The following N4BP2L1 variants were observed in gnomAD, a reference collection of about 807,000 sequenced individuals.
N4BP2L1 encodes NEDD4 binding protein 2 like 1.
N4BP2L1 carries 12 observed loss-of-function variants against 21.2 expected under a neutral mutation model. The observed-to-expected ratio is 0.57, with a 90% CI of 0.36 to 0.92. The LOEUF is 0.92. Among genes scored for constraint, N4BP2L1 ranks in the 40% least tolerant of loss-of-function variants. The pLI is 0.01. For missense variants in N4BP2L1, 259 were observed against 310.6 expected (o/e 0.83, Z 1.25); for synonymous variants, 104 against 112.8 (o/e 0.92, Z 0.49).
chr13:32,417,117 C>G (rs2074191732), intron 1 of N4BP2L1, among the ~76,000 whole-genome samples: 1 of 152,168 alleles, frequency 6.6e-6, no homozygotes, highest in Non-Finnish European at 1.5e-5. Flanking sequence ...GCCCAGCTGG[C>G]AAACTTTTTT....
chr13:32,427,161 CAAGTG>C (rs1350949981), intron 1 of N4BP2L1, among the ~76,000 whole-genome samples: 1 of 152,254 alleles, frequency 6.6e-6, no homozygotes, highest in East Asian at 1.9e-4. Flanking sequence ...ACGCAATTCG[CAAGTG>C]AACGAATTTG....
chr13:32,414,428 C>T (rs895441002), intron 1 of N4BP2L1, among the ~76,000 whole-genome samples: 1 of 152,154 alleles, frequency 6.6e-6, no homozygotes, highest in Admixed American at 6.5e-5. Flanking sequence ...GTGAACTGCA[C>T]TTTCACGTCC....
chr13:32,416,180 T>C (rs1211278670), intron 1 of N4BP2L1, among the ~76,000 whole-genome samples: 1 of 152,240 alleles, frequency 6.6e-6, no homozygotes, highest in East Asian at 1.9e-4. Context: ...AAATAATAAA[T>C]ATAGCCAATG....
intron 1 of N4BP2L1, among the ~76,000 whole-genome samples, chr13:32,418,327 A>G (rs2074263308): frequency 6.6e-6 from 1 of 152,250 alleles, no homozygotes; most frequent in Non-Finnish European, 1.5e-5. Context: ...AAGCCTTGGC[A>G]GCTGCCACAT....
intron 1 of N4BP2L1, among the ~76,000 whole-genome samples, chr13:32,420,735 C>T (rs1426571274): frequency 6.6e-6 from 1 of 151,902 alleles, no homozygotes; most frequent in East Asian, 1.9e-4. Flanking sequence ...CTCTTGTTGC[C>T]CAGGCTGGAG....
At chr13:32,415,708 T>C (rs975659872) in intron 1 of N4BP2L1, among the ~76,000 whole-genome samples, 6 of 152,302 alleles carry the variant, frequency 3.9e-5, no homozygotes, top group African/African-American at 1.4e-4. Context: ...TAGAGAGGAA[T>C]TTTTTAGAAA....
At chr13:32,408,379 C>T (rs1488362360) in intron 1 of N4BP2L1, among the ~76,000 whole-genome samples, 1 of 152,178 alleles carries the variant, frequency 6.6e-6, no homozygotes, top group African/African-American at 2.4e-5. Flanking sequence ...AAAAGCACAA[C>T]AGGAGAAGGA....
In N4BP2L1 at chr13:32,401,790, TTAAAA is replaced by T. The variant is rs750230406; in HGVS notation, c.*1147_*1151del. The T allele has an allele frequency of 1.5e-5, 5 of 343,844 alleles. No individual in the cohort carries two copies. Among genetic ancestry groups the T allele is most frequent in the Non-Finnish European group, 2.1e-5 (5 of 243,062 alleles). 21.3% of individuals were successfully genotyped at this position (343,844 alleles called of 1,614,324 possible). On this transcript the variant is annotated 3_prime_UTR_variant, in exon 5 of 5. Coordinates refer to ENST00000380130, the MANE Select transcript of N4BP2L1 (RefSeq NM_052818.3). The stretch of plus-strand genomic sequence containing the variant: ...ATAAAAGCACCATTATATAAGACAC[TTAAAA>T]TAATTTTTCACAGAACATTAGAAAG...
chr13:32,421,889 G>A (rs542476438), intron 1 of N4BP2L1, among the ~76,000 whole-genome samples: 22 of 152,164 alleles, frequency 1.4e-4, no homozygotes, highest in Non-Finnish European at 2.9e-4. Context: ...TCCAGAGACT[G>A]AGTGGCCATA....
At chr13:32,407,410 G>A (rs539565064) in intron 2 of N4BP2L1, 72 bp from the exon 3 acceptor site, 36 of 1,610,232 alleles carry the variant, frequency 2.2e-5, no homozygotes, top group East Asian at 1.3e-4. Flanking sequence ...ATCTCTATTC[G>A]TCATTTTTAT....
chr13:32,404,536 C>A, intron 3 of N4BP2L1, 139 bp from the exon 4 acceptor site: 1 of 635,030 alleles, frequency 1.6e-6, no homozygotes, highest in Non-Finnish European at 2.7e-6. Flanking sequence ...TAATTTATCA[C>A]AATAAATGCA....
chr13:32,403,067 C>A lies in N4BP2L1; in HGVS notation c.607G>T (p.Ala203Ser), dbSNP rs771574869. 3.7e-6 allele frequency: 6 copies of A among 1,613,982 alleles called. No homozygotes were observed. The highest frequency in any genetic ancestry group is 4.2e-6 in the Non-Finnish European group (5 of 1,180,028). ...RMNRNQDRNN[A>S]LPSNNARYWN... ...TATCTGGCATTGTTGGAAGGCAATG[C>A]ATTATTCCTGTCCTGGTTTCTGTTC... The change falls in exon 5 of 5, where the codon GCA (alanine) becomes TCA (serine). Residue 203 changes from alanine (A) to serine (S), a missense_variant. Physicochemically the swap from Ala to Ser is moderately conservative, Grantham distance 99 (BLOSUM62 1). Around this residue, in one of 3 missense-constraint regions of N4BP2L1, gnomAD observed 108 missense variants for 107.8 expected, o/e 1.00. Transcript: ENST00000380130.
intron 1 of N4BP2L1, among the ~76,000 whole-genome samples, chr13:32,417,256 T>C (rs755883464): frequency 2.6e-5 from 4 of 152,214 alleles, no homozygotes; most frequent in African/African-American, 9.7e-5. Context: ...TCATCTTTAA[T>C]TGTAGTTCCC....
chr13:32,424,962 AG>A (rs200075436), intron 1 of N4BP2L1: 3 of 152,202 alleles, frequency 2.0e-5, no homozygotes, highest in African/African-American at 7.2e-5. Flanking sequence ...TAATCAAATG[AG>A]AAAAAAGGTT....
chr13:32,425,760 T>C (rs1375207080), intron 1 of N4BP2L1: 2 of 152,016 alleles, frequency 1.3e-5, no homozygotes, highest in Non-Finnish European at 2.9e-5. Flanking sequence ...CTATTTTTAA[T>C]CTGACCACTG....
At chr13:32,424,296 C>A (rs543647561) in intron 1 of N4BP2L1, among the ~76,000 whole-genome samples, 1 of 152,170 alleles carries the variant, frequency 6.6e-6, no homozygotes, top group African/African-American at 2.4e-5. Context: ...CCTTTTCCTT[C>A]GTTCAGCCAC....
intron 3 of N4BP2L1, 41 bp from the exon 4 acceptor site, chr13:32,404,438 T>G: frequency 7.0e-7 from 1 of 1,428,356 alleles, no homozygotes; most frequent in Non-Finnish European, 9.8e-7. Flanking sequence ...AGACATAGTA[T>G]GTATGTTTGG....
At chr13:32,415,302 G>T (rs1471842697) in intron 1 of N4BP2L1, among the ~76,000 whole-genome samples, 1 of 152,172 alleles carries the variant, frequency 6.6e-6, no homozygotes, top group East Asian at 1.9e-4. Flanking sequence ...TGGGCACACT[G>T]CCACACCCAA....
chr13:32,412,534 T>C (rs1404062733), intron 1 of N4BP2L1, among the ~76,000 whole-genome samples: 2 of 150,656 alleles, frequency 1.3e-5, no homozygotes, highest in Admixed American at 1.3e-4. Context: ...GGCTGAGGCA[T>C]GAGAATCACT....
Sources: allele counts gnomAD v4.1 joint callset (sites outside exome capture counted in the v4.1 genomes callset), GRCh38; gene constraint gnomAD v4.1.1; regional missense constraint gnomAD v4.1.1; transcripts MANE v1.5; gene names NCBI Gene and HGNC (gene_info 2026-07-23, HGNC 2026-07-21).